PML: variants seen among roughly 807,000 people sequenced by gnomAD.
PML encodes protein PML.
In PML, 28 loss-of-function variants were observed where a neutral mutation model predicts 65.2. That is an observed-to-expected ratio of 0.43 (90% confidence interval 0.32 to 0.59). The LOEUF (loss-of-function observed/expected upper bound fraction) is 0.59. PML is among the 20% of genes least tolerant of loss of function. The probability of loss-of-function intolerance (pLI) is 0.08; values close to 1 mark genes in which losing one functional copy is unlikely to be tolerated. For missense variants in PML, 1,021 were observed against 1,203.4 expected, an observed-to-expected ratio of 0.85 and a Z score of 2.24; for synonymous variants, 500 against 508.8, an observed-to-expected ratio of 0.98 and a Z score of 0.23.
At chr15:74,026,814 C>T (rs1052701334) in intron 4 of PML, 2 of 152,078 alleles carry the variant, frequency 1.3e-5, no homozygotes, top group African/African-American at 4.8e-5. Context: ...CCACACCCAG[C>T]TAATTTTTTG....
At chr15:74,005,926 G>A (rs1161559339) in intron 2 of PML, among the ~76,000 whole-genome samples, 1 of 152,080 alleles carries the variant, frequency 6.6e-6, no homozygotes, top group Non-Finnish European at 1.5e-5. Flanking sequence ...GTGGAACAGG[G>A]CCGCTCCCCA....
At chr15:74,014,516 AGAGACGGGAGGCC>A (rs1321119437) in intron 2 of PML, among the ~76,000 whole-genome samples, 2 of 151,800 alleles carry the variant, frequency 1.3e-5, no homozygotes, top group African/African-American at 4.8e-5. Context: ...TATTTTTATT[AGAGACGGGAGGCC>A]GAGGCGGGTG....
chr15:74,020,287 CTTTT>C (rs1187914506), intron 2 of PML, among the ~76,000 whole-genome samples: 3 of 116,280 alleles, frequency 2.6e-5, no homozygotes, highest in Non-Finnish European at 1.8e-5. Context: ...TGACTTATTC[CTTTT>C]TTTTTTTTTT....
intron 2 of PML, among the ~76,000 whole-genome samples, chr15:74,016,891 G>T (rs1217116239): frequency 2.9e-5 from 4 of 140,308 alleles, no homozygotes; most frequent in Non-Finnish European, 4.6e-5. Context: ...CCGCCTCCCG[G>T]GTTCATGCCA....
intron 2 of PML, among the ~76,000 whole-genome samples, chr15:74,011,995 A>G (rs1334598613): frequency 6.6e-6 from 1 of 152,232 alleles, no homozygotes; most frequent in African/African-American, 2.4e-5. Context: ...TTTAGAGTGT[A>G]TCTTAAGTAA....
chr15:74,036,583 C>A (rs1392706423), intron 7 of PML, among the ~76,000 whole-genome samples: 2 of 152,112 alleles, frequency 1.3e-5, no homozygotes, highest in Non-Finnish European at 2.9e-5. Context: ...CTGGACTGTT[C>A]CAGCCCCTTC....
chr15:74,041,338 G>A (rs573037682), intron 7 of PML: 1 of 152,400 alleles, frequency 6.6e-6, no homozygotes, highest in Non-Finnish European at 1.5e-5. Flanking sequence ...AGAAGGTGGA[G>A]TCTCCAGCCA....
intron 1 of PML, 122 bp downstream of exon 1, chr15:73,995,063 G>A (rs2069405800): frequency 1.1e-6 from 1 of 947,022 alleles, no homozygotes; most frequent in Non-Finnish European, 1.5e-6. Context: ...CACAAAGCGG[G>A]AAGTCCAGAC....
chr15:74,024,974 G>T, intron 4 of PML, 47 bp downstream of exon 4: 1 of 1,335,498 alleles, frequency 7.5e-7, no homozygotes. Flanking sequence ...GGCCCAGCAG[G>T]TCAGGCAGGT....
At chr15:74,031,838 A>G (rs2071337238) in intron 4 of PML, among the ~76,000 whole-genome samples, 1 of 152,224 alleles carries the variant, frequency 6.6e-6, no homozygotes, top group South Asian at 2.1e-4. Flanking sequence ...ACATTTTCTA[A>G]GTGCCAGGTA....
chr15:74,015,508 A>G (rs2070529871), intron 2 of PML, among the ~76,000 whole-genome samples: 1 of 152,206 alleles, frequency 6.6e-6, no homozygotes, highest in Admixed American at 6.5e-5. Context: ...GTCCTATTTC[A>G]TAACATTTTT....
intron 4 of PML, among the ~76,000 whole-genome samples, chr15:74,029,918 A>ATCC (rs2071243137): frequency 6.6e-6 from 1 of 152,130 alleles, no homozygotes; most frequent in African/African-American, 2.4e-5. Flanking sequence ...CAGAGAGGTC[A>ATCC]TCCTCCTTCT....
In PML at chr15:74,044,673, T is replaced by G; in HGVS notation, c.2314T>G (p.Phe772Val). Residue 772 changes from phenylalanine (F) to valine (V), a missense_variant, in exon 9 of 9, where the codon TTC (phenylalanine) becomes GTC (valine). By Grantham distance (50) the Phe-to-Val change is conservative (BLOSUM62 -1). Transcript: ENST00000268058. The stretch of plus-strand genomic sequence containing the variant: ...CCAGCTGGCCCAGCATGTCTACCCC[T>G]TCAGTAGCCTGCAGTGCTTTGCCTC... ...GPQLAQHVYPFSSLQCFASLQ... is the reference protein window; with the variant it reads ...GPQLAQHVYPVSSLQCFASLQ... The G allele has an allele frequency of 5.0e-6, 8 of 1,606,126 alleles. No individual in the cohort carries two copies. Among genetic ancestry groups the G allele is most frequent in the Non-Finnish European group, 6.8e-6 (8 of 1,179,910 alleles).
In PML at chr15:74,044,543, C is replaced by G; in HGVS notation, c.2184C>G (p.Asn728Lys). The G allele has an allele frequency of 6.2e-7, 1 of 1,613,626 alleles. No individual in the cohort carries two copies. Among genetic ancestry groups the G allele is most frequent in the Non-Finnish European group, 8.5e-7 (1 of 1,180,020 alleles). The part of the protein sequence containing the change: ...VPGASSFKLK[N>K]LAQTYLARNM... ...GGGCCAGCAGCTTCAAACTCAAGAA[C>G]CTGGCCCAGACCTACCTGGCGAGAA... is the stretch of plus-strand genomic sequence containing the variant. The change falls in exon 9 of 9, where the codon AAC (asparagine) becomes AAG (lysine). Residue 728 changes from asparagine to lysine, a missense_variant. Physicochemically the swap from Asn to Lys is moderately conservative, Grantham distance 94. Coordinates refer to ENST00000268058, the MANE Select transcript of PML (RefSeq NM_033238.3).
Position 74,042,363 on chromosome 15 carries a change from C to T in PML, c.1711-626C>T. ...GAGGCCAAGCAGTCCTTCCCCTCGC[C>T]TTTGTGTAGGACACTGGCACCTCGG... On this transcript the variant is annotated intron_variant, in intron 7 of 8. Transcript: ENST00000268058. This position sits in a 1 kb window ranked among gnomAD's most constrained non-coding sequence, Gnocchi z 5.3. 1.0e-6 allele frequency: 1 copy of T among 985,468 alleles called. No individual in the cohort carries two copies. The highest frequency in any genetic ancestry group is 1.2e-6 in the Non-Finnish European group (1 of 829,936). The allele number at this position is 985,468 out of a possible 1,614,324, so 61.0% of individuals were successfully genotyped here.
intron 2 of PML, among the ~76,000 whole-genome samples, chr15:74,001,875 A>G (rs1229529594): frequency 6.6e-6 from 1 of 152,052 alleles, no homozygotes; most frequent in Non-Finnish European, 1.5e-5. Context: ...TCGGTGGTAC[A>G]TGCTTGTAGT....
chr15:74,010,703 G>A (rs780457477), intron 2 of PML, among the ~76,000 whole-genome samples: 5 of 152,024 alleles, frequency 3.3e-5, no homozygotes, highest in East Asian at 1.9e-4. Flanking sequence ...GCCTGCCTTC[G>A]AAGCTTGAAT....
At chr15:74,002,611 GTT>G (rs34203409) in intron 2 of PML, among the ~76,000 whole-genome samples, 2 of 128,846 alleles carry the variant, frequency 1.6e-5, no homozygotes, top group Admixed American at 8.0e-5. Context: ...GCCCGGCTAA[GTT>G]TTTTTTTTTT....
intron 2 of PML, among the ~76,000 whole-genome samples, chr15:74,010,967 A>T (rs940526398): frequency 1.3e-5 from 2 of 152,252 alleles, no homozygotes; most frequent in Non-Finnish European, 2.9e-5. Flanking sequence ...TTTTTTAGTT[A>T]GTAGCTTAAG....
Sources: allele counts gnomAD v4.1 joint callset (sites outside exome capture counted in the v4.1 genomes callset), GRCh38; gene constraint gnomAD v4.1.1; non-coding constraint Gnocchi (gnomAD v3.1); transcripts MANE v1.5; gene names NCBI Gene and HGNC (gene_info 2026-07-23, HGNC 2026-07-21).